Variants in TBC1D12 observed in about 807,000 individuals in gnomAD.
TBC1D12 encodes the protein TBC1 domain family, member 12.
A neutral mutation model predicts 86.7 loss-of-function variants in TBC1D12; 56 were observed. The ratio of observed to expected loss-of-function variants is 0.65; its 90% CI spans 0.52 to 0.81. TBC1D12 has a LOEUF of 0.81. TBC1D12 is among the 30% of genes least tolerant of loss of function. The pLI is 0.00. For missense variants in TBC1D12, 1,023 were observed against 1,038.8 expected, an observed-to-expected ratio of 0.98 and a Z score of 0.21; for synonymous variants, 421 against 411.7, an observed-to-expected ratio of 1.02 and a Z score of -0.27.
chr10:94,470,537 A>G (rs561298489), intron 2 of TBC1D12, among the ~76,000 whole-genome samples: 1 of 151,788 alleles, frequency 6.6e-6, no homozygotes, highest in African/African-American at 2.4e-5. Context: ...CTAATTTTGT[A>G]TTTTTTGTAG....
Position 94,464,150 on chromosome 10 carries a change from G to A in TBC1D12, c.1096-10518G>A, listed in dbSNP as rs116357575. 7.7e-3 allele frequency among the ~76,000 whole-genome samples: 1,164 copies of A among 151,826 alleles called. 16 individuals carry two copies. Among genetic ancestry groups the A allele is most frequent in the African/African-American group, 0.027 (1,113 of 41,396 alleles). The stretch of plus-strand genomic sequence containing the variant: ...TGTATCTACCTTTATATTTAAAGTG[G>A]GTTTCTTATAAATAGCATATAGTTG... On this transcript the variant is annotated intron_variant, in intron 2 of 12. Transcript: ENST00000225235.
At chr10:94,459,402 C>T (rs559419377) in intron 2 of TBC1D12, among the ~76,000 whole-genome samples, 176 of 152,392 alleles carry the variant, frequency 1.2e-3, no homozygotes, top group African/African-American at 3.4e-3. Flanking sequence ...CTCCAAGTCC[C>T]CACCCGACTC....
chr10:94,446,288 T>C (rs17110031), intron 2 of TBC1D12, among the ~76,000 whole-genome samples: 4,500 of 152,284 alleles, frequency 0.03, 102 homozygotes, highest in South Asian at 0.044. Flanking sequence ...CGAAAGTGAA[T>C]ATAGTATCAG....
intron 11 of TBC1D12, among the ~76,000 whole-genome samples, chr10:94,529,008 G>A (rs554596389): frequency 4.5e-4 from 66 of 148,312 alleles, no homozygotes; most frequent in African/African-American, 1.5e-3. Context: ...TTTGGTTCAG[G>A]ATTTTTTTTT....
At position 94,510,108 on chromosome 10, in the gene TBC1D12, C is replaced by T. The variant is rs1035983136; in HGVS notation, c.1618C>T (p.Arg540Ter). The change falls in exon 8 of 13, where the codon CGA becomes TGA. Residue 540 changes from arginine (R) to a stop codon, truncating the protein, a stop_gained. Coordinates refer to ENST00000225235, the MANE Select transcript of TBC1D12 (RefSeq NM_015188.2). LOFTEE classifies it high-confidence loss of function. Reference sequence around the variant, plus strand: ...AAATGCAGGTGTATCTGTTGCTGATCGAGAGGCCAGTCTGGAATTAATTAA... The same window carrying T: ...AAATGCAGGTGTATCTGTTGCTGATTGAGAGGCCAGTCTGGAATTAATTAA... ...NDTEGVSVADREASLELIKLD... is the reference protein window; with the variant it reads ...NDTEGVSVAD 4 of 1,608,638 alleles carry T rather than the reference C, an allele frequency of 2.5e-6. No individual in the cohort carries two copies. The highest frequency in any genetic ancestry group is 3.4e-6 in the Non-Finnish European group (4 of 1,178,556).
Position 94,511,608 on chromosome 10 carries a change from A to ATAC in TBC1D12, c.1717_1718insCTA (p.His572_Ser573insThr). 6.2e-7 allele frequency: 1 copy of ATAC among 1,612,978 alleles called. No homozygotes were observed. Among genetic ancestry groups the ATAC allele is most frequent in the Non-Finnish European group, 8.5e-7 (1 of 1,179,220 alleles). On this transcript the variant is annotated inframe_insertion, in exon 9 of 13. Coordinates refer to ENST00000225235, the MANE Select transcript of TBC1D12 (RefSeq NM_015188.2). ...GGTGGTCCATATCATGATGTCTTGC[A>ATAC]TAGTATTTTAGGGGCATACACATGC...
Position 94,500,276 on chromosome 10 carries a change from C to T in TBC1D12, c.1468C>T (p.Arg490Cys), listed in dbSNP as rs752530392. The T allele has an allele frequency of 1.9e-6, 3 of 1,613,702 alleles. No individual in the cohort carries two copies. Among genetic ancestry groups the T allele is most frequent in the Non-Finnish European group, 2.5e-6 (3 of 1,179,910 alleles). The change falls in exon 6 of 13, where the codon CGT becomes TGT. Residue 490 changes from arginine (R) to cysteine (C), a missense_variant. This residue lies in a region of TBC1D12 where 395 missense variants were observed against 507.7 expected (regional missense o/e 0.78). Transcript: ENST00000225235. Reference protein sequence around the residue: ...LWWQGLPPSVRGKVWSLAVGN... With the variant: ...LWWQGLPPSVCGKVWSLAVGN... ...GTGGCAGGGATTGCCCCCTAGTGTC[C>T]GTGGGAAAGTTTGGAGTCTAGCTGT...
chr10:94,420,569 CTG>C, intron 1 of TBC1D12, among the ~76,000 whole-genome samples: 1 of 152,306 alleles, frequency 6.6e-6, no homozygotes, highest in South Asian at 2.1e-4. Flanking sequence ...TTTTTGGTCT[CTG>C]TGCATTTGCT....
chr10:94,422,163 C>T (rs1297571864), intron 1 of TBC1D12, among the ~76,000 whole-genome samples: 1 of 146,232 alleles, frequency 6.8e-6, no homozygotes, highest in Non-Finnish European at 1.5e-5. Flanking sequence ...CAGAGTTTAG[C>T]TGATATCTTA....
chr10:94,477,281 C>G (rs762555339), intron 3 of TBC1D12, among the ~76,000 whole-genome samples: 2 of 152,074 alleles, frequency 1.3e-5, no homozygotes, highest in African/African-American at 2.4e-5. Flanking sequence ...TTTGAAGGGG[C>G]CTTTTTGGTG....
Position 94,532,217 on chromosome 10 carries a change from G to A in TBC1D12, c.2259+757G>A, listed in dbSNP as rs190131976. ...TTTTGAGACGGAGTCTCACTCTGTC[G>A]CCCAGGCTGGAGTGCAGTGGTGTGA... On this transcript the variant is annotated intron_variant, in intron 12 of 12. Transcript: ENST00000225235. 8.0e-3 allele frequency among the ~76,000 whole-genome samples: 1,154 copies of A among 143,444 alleles called. 16 individuals are homozygous for A. Among genetic ancestry groups the A allele is most frequent in the African/African-American group, 0.029 (1,101 of 38,540 alleles). 94.1% of individuals were successfully genotyped at this position (143,444 alleles called of 152,430 possible). A position where few individuals can be genotyped will look rare whatever the true frequency, so the allele number is the denominator to read the frequency against.
intron 1 of TBC1D12, among the ~76,000 whole-genome samples, chr10:94,420,166 C>G (rs937485264): frequency 1.3e-5 from 2 of 152,012 alleles, no homozygotes; most frequent in African/African-American, 4.8e-5. Flanking sequence ...GATTAACACC[C>G]TTATAAGAAG....
At chr10:94,423,720 G>C (rs965330514) in intron 1 of TBC1D12, among the ~76,000 whole-genome samples, 1 of 152,064 alleles carries the variant, frequency 6.6e-6, no homozygotes, top group Non-Finnish European at 1.5e-5. Context: ...GCTTGTCTTA[G>C]CCTGTGTATG....
chr10:94,410,401 T>G (rs1276000164), intron 1 of TBC1D12, among the ~76,000 whole-genome samples: 3 of 151,962 alleles, frequency 2.0e-5, no homozygotes, highest in Non-Finnish European at 4.4e-5. Context: ...TTCATATGTG[T>G]TTTTTTTCTT....
chr10:94,491,672 G>C (rs2056246750), intron 3 of TBC1D12, among the ~76,000 whole-genome samples: 1 of 152,156 alleles, frequency 6.6e-6, no homozygotes, highest in Admixed American at 6.5e-5. Context: ...GCTCCATCCT[G>C]CTAGGGACAT....
intron 3 of TBC1D12, among the ~76,000 whole-genome samples, chr10:94,489,433 G>A (rs776144400): frequency 2.0e-5 from 3 of 152,166 alleles, no homozygotes; most frequent in Non-Finnish European, 2.9e-5. Flanking sequence ...CCTACCCTCT[G>A]CAATGCCTCT....
At chr10:94,452,311 T>G (rs2055562784) in intron 2 of TBC1D12, among the ~76,000 whole-genome samples, 1 of 152,050 alleles carries the variant, frequency 6.6e-6, no homozygotes, top group South Asian at 2.1e-4. Flanking sequence ...AAGTCCATAG[T>G]TTACAGTATC....
chr10:94,465,734 A>G (rs2055801438), intron 2 of TBC1D12, among the ~76,000 whole-genome samples: 1 of 150,462 alleles, frequency 6.6e-6, no homozygotes, highest in South Asian at 2.1e-4. Context: ...ATACATACAT[A>G]CGTATACATA....
intron 11 of TBC1D12, among the ~76,000 whole-genome samples, chr10:94,524,863 G>GT (rs1483509910): frequency 6.7e-6 from 1 of 148,652 alleles, no homozygotes; most frequent in Non-Finnish European, 1.5e-5. Context: ...GTCTAGTTCT[G>GT]TTGCCCGGGT....
Sources: gnomAD v4.1 joint callset for allele counts (sites outside exome capture counted in the v4.1 genomes callset) on GRCh38, gnomAD v4.1.1 for gene constraint, gnomAD v4.1.1 regional missense constraint, MANE v1.5 for transcripts, NCBI Gene and HGNC (gene_info 2026-07-23, HGNC 2026-07-21) for gene names.